IRX2: variants seen among roughly 807,000 people sequenced by gnomAD.
IRX2 encodes the protein iroquois-class homeodomain protein IRX-2.
Under a neutral mutation model 42.9 loss-of-function variants are expected in IRX2, and 26 were observed. The observed-to-expected ratio is 0.61, with a 90% CI of 0.44 to 0.84. The LOEUF (loss-of-function observed/expected upper bound fraction) is 0.84, where lower values mean the gene tolerates loss of function less well. IRX2 is among the 40% of genes least tolerant of loss of function. The pLI, the probability that IRX2 is intolerant of heterozygous loss-of-function variation, is 0.00. For synonymous variants in IRX2, 424 were observed against 353.9 expected, an observed-to-expected ratio of 1.20 and a Z score of -2.22; for missense variants, 782 against 713.9, an observed-to-expected ratio of 1.10 and a Z score of -1.09.
intron 1 of IRX2, 97 bp from the exon 2 acceptor site, chr5:2,749,884 C>G: frequency 7.7e-7 from 1 of 1,297,086 alleles, no homozygotes; most frequent in Non-Finnish European, 1.0e-6. Context: ...GCCACCGTTC[C>G]CCCCGTGAGT....
Position 2,751,475 on chromosome 5 carries a change from C to G in IRX2, c.-62G>C. On this transcript the variant is annotated 5_prime_UTR_variant, in exon 1 of 4. Transcript: ENST00000302057. This position sits in a 1 kb window ranked among gnomAD's most constrained non-coding sequence, Gnocchi z 4.0. ...CAGCGGGCAGGGCGCGCGGCGCCCT[C>G]CATCCACGCCCGGCCGGGGCGCGGC... The G allele has an allele frequency of 9.7e-7, 1 of 1,026,206 alleles. No individual in the cohort carries two copies. Among genetic ancestry groups the G allele is most frequent in the Non-Finnish European group, 1.2e-6 (1 of 854,678 alleles). The allele number at this position is 1,026,206 out of a possible 1,614,324, so 63.6% of individuals were successfully genotyped here.
Position 2,751,169 on chromosome 5 carries a change from T to A in IRX2, c.245A>T (p.Tyr82Phe), listed in dbSNP as rs896878236. ...GTCCCGCCCGCGCCCGGTTACCATG[T>A]AGGACGGGAAGCCGGCGGCGGCGGC... Reference protein sequence around the residue: ...AAAAAAGFPSYMGAPYDAHTT... With the variant: ...AAAAAAGFPSFMGAPYDAHTT... Residue 82 changes from tyrosine to phenylalanine, a missense_variant, in exon 1 of 4, where the codon TAC (tyrosine) becomes TTC (phenylalanine). Tyr to Phe is a conservative substitution (Grantham distance 22). Coordinates refer to ENST00000302057, the MANE Select transcript of IRX2 (RefSeq NM_033267.5). This position sits in a 1 kb window ranked among gnomAD's most constrained non-coding sequence, Gnocchi z 4.0. The A allele has an allele frequency of 5.9e-5, 74 of 1,262,610 alleles. No individual in the cohort carries two copies. The highest frequency in any genetic ancestry group is 6.9e-5 in the Non-Finnish European group (69 of 1,005,364). 78.2% of individuals were successfully genotyped at this position (1,262,610 alleles called of 1,614,324 possible). A position where few individuals can be genotyped will look rare whatever the true frequency, so the allele number is the denominator to read the frequency against.
At chr5:2,736,532 T>A in the IRX2 span, 2 of 152,270 alleles carry the variant, frequency 1.3e-5, no homozygotes, top group Non-Finnish European at 2.9e-5. Flanking sequence ...TAGTTATTTT[T>A]ATTTCTTACA....
At chr5:2,743,535 C>T (rs1340761815), downstream of IRX2, among the ~76,000 whole-genome samples, 2 of 151,880 alleles carry the variant, frequency 1.3e-5, no homozygotes, top group Non-Finnish European at 2.9e-5. Context: ...CGCCGGGCCG[C>T]GGAGCCGGGA....
chr5:2,748,355 C>A lies in IRX2; in HGVS notation c.1353G>T (p.Glu451Asp), dbSNP rs1009845354. Residue 451 changes from glutamate to aspartate, a missense_variant, in exon 3 of 4, where the codon GAG becomes GAT. Glu to Asp is a conservative substitution (Grantham distance 45, BLOSUM62 2). Transcript: ENST00000302057. The part of the protein sequence containing the change: ...SHYRSPGGGY[E>D]PKKDASEGCT... ...CCGCGGGCCGCCTACCTTTCTTGGGCTCGTAGCCGCCGCCCGGGGACCGGT... is the reference window on the plus strand; with the variant it reads ...CCGCGGGCCGCCTACCTTTCTTGGGATCGTAGCCGCCGCCCGGGGACCGGT... 1.4e-6 allele frequency: 2 copies of A among 1,449,144 alleles called. No homozygotes were observed. The highest frequency in any genetic ancestry group is 2.4e-4 in the Middle Eastern group (1 of 4,088). 89.8% of individuals were successfully genotyped at this position (1,449,144 alleles called of 1,614,324 possible).
chr5:2,749,261 G>A, intron 2 of IRX2, 121 bp downstream of exon 2: 5 of 1,453,398 alleles, frequency 3.4e-6, no homozygotes, highest in Non-Finnish European at 4.5e-6. Context: ...GCAATGTGGT[G>A]CGGCTGGGGC....
downstream of IRX2, among the ~76,000 whole-genome samples, chr5:2,743,759 CTCTT>C (rs1033163247): frequency 3.7e-4 from 57 of 152,292 alleles, no homozygotes; most frequent in East Asian, 7.1e-3. Flanking sequence ...AGATATCTCT[CTCTT>C]TCTCTCTCCT....
chr5:2,740,567 T>A, the IRX2 span, among the ~76,000 whole-genome samples: 2 of 152,024 alleles, frequency 1.3e-5, no homozygotes, highest in Non-Finnish European at 2.9e-5. Flanking sequence ...GCAACCCAGT[T>A]CCCTGAAGAA....
downstream of IRX2, among the ~76,000 whole-genome samples, chr5:2,744,770 C>T (rs774437338): frequency 1.8e-4 from 28 of 152,212 alleles, no homozygotes; most frequent in Non-Finnish European, 3.7e-4. Context: ...TACTTTATGT[C>T]TGACCTCCAA....
At position 2,751,247 on chromosome 5, in the gene IRX2, G is replaced by A. The variant is rs1737961473; in HGVS notation, c.167C>T (p.Ala56Val). Residue 56 changes from alanine to valine, a missense_variant, in exon 1 of 4, where the codon GCG becomes GTG. Transcript: ENST00000302057. The surrounding 1 kb of genome is among the most constrained non-coding windows in gnomAD (Gnocchi z 4.0). ...GCTCCCGAAGCCGGTGGCCGCCTGC[G>A]CCGTGAAGGCCGCCGAGCCCGGGTA... ...SPYPGSAAFT[A>V]QAATGFGSPL... 2.1e-6 allele frequency: 3 copies of A among 1,397,156 alleles called. No individual in the cohort carries two copies. Among genetic ancestry groups the A allele is most frequent in the Admixed American group, 5.6e-5 (2 of 35,728 alleles). 86.5% of individuals were successfully genotyped at this position (1,397,156 alleles called of 1,614,324 possible).
chr5:2,741,946 C>T (rs532294799), downstream of IRX2, among the ~76,000 whole-genome samples: 27 of 152,300 alleles, frequency 1.8e-4, no homozygotes, highest in Admixed American at 1.3e-4. Flanking sequence ...TGCGCAAATA[C>T]GGACAACAGA....
chr5:2,751,016 G>A lies in IRX2; in HGVS notation c.249+149C>T, dbSNP rs146008500. On this transcript the variant is annotated intron_variant, in intron 1 of 3. Coordinates refer to ENST00000302057, the MANE Select transcript of IRX2 (RefSeq NM_033267.5). The surrounding 1 kb of genome is among the most constrained non-coding windows in gnomAD (Gnocchi z 4.0). ...CCACCCGGGGCCCGGCTCAGCCTGC[G>A]GGGCGGCCAACCGAGCCGGCGACTC... The A allele has an allele frequency of 0.12, 111,011 of 934,856 alleles. 6,859 individuals carry two copies. Among genetic ancestry groups the A allele is most frequent in the Non-Finnish European group, 0.12 (91,480 of 738,442 alleles). The allele number at this position is 934,856 out of a possible 1,614,324, so 57.9% of individuals were successfully genotyped here.
Position 2,748,562 on chromosome 5 carries a change from G to C in IRX2, c.1146C>G (p.Leu382=), listed in dbSNP as rs1333067238. The change falls in exon 3 of 4, where the codon CTC becomes CTG. Residue 382 remains leucine (L), a synonymous_variant. Transcript: ENST00000302057. ...TGCCGTAGAAGGGCGACGTGTAGTAGAGGGGGCGGCCCAGCAGCGGCGAGG... is the reference window on the plus strand; with the variant it reads ...TGCCGTAGAAGGGCGACGTGTAGTACAGGGGGCGGCCCAGCAGCGGCGAGG... ...YPASPLLGRP[L]YYTSPFYGNY... 4 of 1,569,582 alleles carry C rather than the reference G, an allele frequency of 2.5e-6. No homozygotes were observed. The highest frequency in any genetic ancestry group is 3.4e-6 in the Non-Finnish European group (4 of 1,160,158).
chr5:2,748,984 G>C lies in IRX2; in HGVS notation c.724C>G (p.Pro242Ala). Residue 242 changes from proline to alanine, a missense_variant, in exon 3 of 4, where the codon CCG becomes GCG. By Grantham distance (27) the Pro-to-Ala change is conservative. Transcript: ENST00000302057. ...CSAESDGEKLPCRAGDPLCES... is the reference protein window; with the variant it reads ...CSAESDGEKLACRAGDPLCES... ...CACAGGGGGTCCCCGGCGCGGCACG[G>C]AAGCTTCTCCCCGTCCGACTCGGCC... The C allele has an allele frequency of 6.3e-7, 1 of 1,597,444 alleles. No homozygotes were observed. Among genetic ancestry groups the C allele is most frequent in the African/African-American group, 1.3e-5 (1 of 74,948 alleles).
chr5:2,745,188 G>T (rs964081056), downstream of IRX2, among the ~76,000 whole-genome samples: 2 of 152,016 alleles, frequency 1.3e-5, no homozygotes, highest in African/African-American at 4.8e-5. Flanking sequence ...GACCTCCCCC[G>T]CTGGGATCCA....
rs1474687232 is a variant in IRX2 at position 2,748,298 on chromosome 5, C to T, written c.1363+47G>A. On this transcript the variant is annotated intron_variant, in intron 3 of 3. Transcript: ENST00000302057. Reference sequence around the variant, plus strand: ...TCCCGGGCGCTCCGCCTCCCCGGGGCTGGCTCTCCCTCCCCTCCCGGGCGC... The same window carrying T: ...TCCCGGGCGCTCCGCCTCCCCGGGGTTGGCTCTCCCTCCCCTCCCGGGCGC... The T allele has an allele frequency of 8.8e-6, 12 of 1,360,610 alleles. No individual in the cohort carries two copies. The East Asian group carries it at 3.7e-4, about 42-fold the overall frequency. The allele number at this position is 1,360,610 out of a possible 1,614,324, so 84.3% of individuals were successfully genotyped here.
downstream of IRX2, among the ~76,000 whole-genome samples, chr5:2,742,432 T>C (rs1367725542): frequency 2.6e-5 from 4 of 152,098 alleles, no homozygotes; most frequent in African/African-American, 9.7e-5. Flanking sequence ...GGTTTGAAAA[T>C]ACATCAAAGG....
chr5:2,747,819 A>C (rs916831525), intron 3 of IRX2, among the ~76,000 whole-genome samples: 7 of 152,242 alleles, frequency 4.6e-5, no homozygotes, highest in African/African-American at 1.7e-4. Context: ...GGGTAGCCTG[A>C]CTTAGGAGCA....
At chr5:2,750,191 TAA>T (rs766962676) in intron 1 of IRX2, among the ~76,000 whole-genome samples, 2 of 151,996 alleles carry the variant, frequency 1.3e-5, no homozygotes, top group Non-Finnish European at 2.9e-5. Context: ...CTTATATGGT[TAA>T]AAAAACACCC....
Sources: allele counts gnomAD v4.1 joint callset (sites outside exome capture counted in the v4.1 genomes callset), GRCh38; gene constraint gnomAD v4.1.1; non-coding constraint Gnocchi (gnomAD v3.1); transcripts MANE v1.5; gene names NCBI Gene and HGNC (gene_info 2026-07-23, HGNC 2026-07-21).